DPY19L3: variants seen among roughly 807,000 people sequenced by gnomAD.
DPY19L3 encodes the protein dpy-19 like C-mannosyltransferase 3.
A neutral mutation model predicts 92.3 loss-of-function variants in DPY19L3; 51 were observed. That is an observed-to-expected ratio of 0.55 (90% CI 0.44 to 0.70). The LOEUF (loss-of-function observed/expected upper bound fraction) is 0.70, where lower values mean the gene tolerates loss of function less well. Among genes scored for constraint, DPY19L3 ranks in the 30% least tolerant of loss-of-function variants. The pLI is 0.00. For synonymous variants in DPY19L3, 309 were observed against 315.2 expected (o/e 0.98, Z 0.21); for missense variants, 706 against 855.9 (o/e 0.82, Z 2.18).
Position 32,408,217 on chromosome 19 carries a change from G to T in DPY19L3, c.-37G>T, listed in dbSNP as rs1968048270. The T allele has an allele frequency of 6.8e-7, 1 of 1,472,540 alleles. No homozygotes were observed. Among genetic ancestry groups the T allele is most frequent in the Non-Finnish European group, 9.5e-7 (1 of 1,055,940 alleles). The allele number at this position is 1,472,540 out of a possible 1,614,324, so 91.2% of individuals were successfully genotyped here. A position where few individuals can be genotyped will look rare whatever the true frequency, so the allele number is the denominator to read the frequency against. On this transcript the variant is annotated splice_region_variant and 5_prime_UTR_variant, in exon 2 of 19. Transcript: ENST00000392250. ...TGATGGCCTGTTTATTGCTATCTAGGAGTGATTTGGAGAACAATGCATGTA... is the reference window on the plus strand; with the variant it reads ...TGATGGCCTGTTTATTGCTATCTAGTAGTGATTTGGAGAACAATGCATGTA...
intron 3 of DPY19L3, chr19:32,412,178 T>A (rs1377959592): frequency 2.0e-5 from 3 of 152,204 alleles, no homozygotes; most frequent in Non-Finnish European, 4.4e-5. Flanking sequence ...AGAATTTTTA[T>A]AATCAAGTGA....
intron 15 of DPY19L3, chr19:32,467,926 G>A (rs1368843853): frequency 4.1e-6 from 4 of 985,208 alleles, no homozygotes; most frequent in Middle Eastern, 5.2e-4. Flanking sequence ...TGACCAGGAG[G>A]CACCAAGTGG....
intron 4 of DPY19L3, among the ~76,000 whole-genome samples, chr19:32,433,793 T>C (rs532121278): frequency 6.6e-6 from 1 of 152,180 alleles, no homozygotes; most frequent in Non-Finnish European, 1.5e-5. Flanking sequence ...TTTGGTTTTG[T>C]GCCATAAAAA....
intron 3 of DPY19L3, among the ~76,000 whole-genome samples, chr19:32,416,308 A>G (rs561829831): frequency 1.9e-4 from 29 of 152,316 alleles, no homozygotes; most frequent in African/African-American, 6.5e-4. Flanking sequence ...GGGTGGATGG[A>G]TGGACATGCC....
chr19:32,435,083 A>G (rs1340784181), intron 4 of DPY19L3, among the ~76,000 whole-genome samples: 2 of 152,154 alleles, frequency 1.3e-5, no homozygotes, highest in East Asian at 1.9e-4. Flanking sequence ...ATTGGTTTCT[A>G]TTGAGGCCTC....
intron 8 of DPY19L3, among the ~76,000 whole-genome samples, chr19:32,450,166 C>T (rs1969652960): frequency 6.6e-6 from 1 of 152,022 alleles, no homozygotes; most frequent in African/African-American, 2.4e-5. Flanking sequence ...CAGAGAAATG[C>T]AAATCAAAAC....
At chr19:32,422,629 A>AACACACACACACACACACACACACAC (rs66481682) in intron 3 of DPY19L3, among the ~76,000 whole-genome samples, 3 of 146,722 alleles carry the variant, frequency 2.0e-5, no homozygotes, top group Non-Finnish European at 3.0e-5. Flanking sequence ...AATCAGGAAA[A>AACACACACACACACACACACACACAC]ACACACACAC....
At chr19:32,424,160 T>A (rs576221539) in intron 3 of DPY19L3, among the ~76,000 whole-genome samples, 11 of 151,374 alleles carry the variant, frequency 7.3e-5, no homozygotes, top group South Asian at 2.1e-4. Context: ...CTACAAAAAA[T>A]TTTTAAAAAA....
intron 10 of DPY19L3, 49 bp downstream of exon 10, chr19:32,455,089 G>GC: frequency 1.7e-6 from 2 of 1,177,980 alleles, no homozygotes; most frequent in Non-Finnish European, 2.4e-6. Context: ...TTAACTTATG[G>GC]CATTGGAGAT....
chr19:32,475,874 T>C (rs1240876863), intron 16 of DPY19L3, among the ~76,000 whole-genome samples: 2 of 152,202 alleles, frequency 1.3e-5, no homozygotes, highest in Non-Finnish European at 2.9e-5. Context: ...GCCAAGCTCA[T>C]GTGAAACTTT....
At chr19:32,431,007 G>A (rs1318363329) in intron 3 of DPY19L3, among the ~76,000 whole-genome samples, 1 of 152,116 alleles carries the variant, frequency 6.6e-6, no homozygotes. Context: ...GCTAAAAGAA[G>A]TTCATCAGCT....
intron 3 of DPY19L3, among the ~76,000 whole-genome samples, chr19:32,419,618 G>A (rs559054729): frequency 6.6e-6 from 1 of 151,856 alleles, no homozygotes; most frequent in East Asian, 1.9e-4. Flanking sequence ...ATTTTTTGTA[G>A]AGACAGAGTC....
At chr19:32,411,446 C>T (rs750670384) in intron 3 of DPY19L3, 74 bp downstream of exon 3, 1 of 1,512,352 alleles carries the variant, frequency 6.6e-7, no homozygotes, top group Non-Finnish European at 9.1e-7. Context: ...GATGAATGAC[C>T]AAGGCAACAC....
At chr19:32,455,075 T>C (rs1178061604) in intron 10 of DPY19L3, 35 bp downstream of exon 10, 2 of 1,294,778 alleles carry the variant, frequency 1.5e-6, no homozygotes, top group Non-Finnish European at 2.1e-6. Flanking sequence ...TAATGTATTT[T>C]TAATTAACTT....
chr19:32,452,664 CAGTT>C (rs548103177), intron 8 of DPY19L3, among the ~76,000 whole-genome samples: 84 of 152,046 alleles, frequency 5.5e-4, no homozygotes, highest in Middle Eastern at 3.4e-3. Context: ...GGTAAATAAA[CAGTT>C]GGTATGTGTA....
At chr19:32,466,455 C>CT (rs1970203837) in intron 15 of DPY19L3, among the ~76,000 whole-genome samples, 1 of 152,216 alleles carries the variant, frequency 6.6e-6, no homozygotes, top group Non-Finnish European at 1.5e-5. Context: ...TTCTTTGCCG[C>CT]TGGGGGCGGG....
chr19:32,455,791 T>A (rs1241090965), intron 10 of DPY19L3, among the ~76,000 whole-genome samples: 4 of 152,240 alleles, frequency 2.6e-5, no homozygotes, highest in Non-Finnish European at 4.4e-5. Flanking sequence ...TCTGCTTAGT[T>A]TAACATGCTT....
intron 18 of DPY19L3, chr19:32,481,352 G>A (rs933495117): frequency 1.3e-5 from 2 of 152,156 alleles, no homozygotes; most frequent in African/African-American, 4.8e-5. Flanking sequence ...TTCAGAGGTG[G>A]TACAGACCAG....
Position 32,438,161 on chromosome 19 carries a change from C to T in DPY19L3, c.596+822C>T, listed in dbSNP as rs540589581. 4.6e-5 allele frequency among the ~76,000 whole-genome samples: 7 copies of T among 152,196 alleles called. No homozygotes were observed. In the East Asian group the frequency reaches 1.4e-3, roughly 29 times the overall value. The stretch of plus-strand genomic sequence containing the variant: ...TCAAGATCATTAAATTATTGCCTGT[C>T]CTATAATGGCAATACCAGTATTCAA... On this transcript the variant is annotated intron_variant, in intron 6 of 18. Transcript: ENST00000392250.
Sources: gnomAD v4.1 joint callset for allele counts (sites outside exome capture counted in the v4.1 genomes callset) on GRCh38, gnomAD v4.1.1 for gene constraint, MANE v1.5 for transcripts, NCBI Gene and HGNC (gene_info 2026-07-23, HGNC 2026-07-21) for gene names.